NFYC: variants seen among roughly 807,000 people sequenced by gnomAD.
NFYC encodes the protein CAAT box DNA-binding protein subunit C.
A neutral mutation model predicts 53.1 loss-of-function variants in NFYC; 25 were observed. The ratio of observed to expected loss-of-function variants is 0.47; its 90% CI spans 0.34 to 0.66. The LOEUF is 0.66. Among genes scored for constraint, NFYC ranks in the 30% least tolerant of loss-of-function variants. NFYC has a pLI of 0.01. For missense variants in NFYC, 260 were observed against 422.7 expected, an observed-to-expected ratio of 0.62 and a Z score of 3.38; for synonymous variants, 145 against 152.6, an observed-to-expected ratio of 0.95 and a Z score of 0.37.
At chr1:40,730,202 T>C (rs867768895) in intron 1 of NFYC, among the ~76,000 whole-genome samples, 14 of 139,328 alleles carry the variant, frequency 1.0e-4, no homozygotes, top group Middle Eastern at 3.8e-3. Context: ...TTTCTTTTTT[T>C]TTTTTTTTTT....
At chr1:40,753,080 T>C (rs1293010742) in intron 4 of NFYC, 71 bp from the exon 5 acceptor site, 2 of 1,131,090 alleles carry the variant, frequency 1.8e-6, no homozygotes, top group African/African-American at 3.1e-5. Context: ...TTACCTTACT[T>C]GGAGGGTATA....
chr1:40,722,916 C>G (rs1644379086), intron 1 of NFYC, among the ~76,000 whole-genome samples: 1 of 152,172 alleles, frequency 6.6e-6, no homozygotes, highest in African/African-American at 2.4e-5. Context: ...AAAAGAGTGA[C>G]AGCTTAAACA....
chr1:40,698,030 G>C (rs1366356571), intron 1 of NFYC, among the ~76,000 whole-genome samples: 2 of 152,186 alleles, frequency 1.3e-5, no homozygotes, highest in African/African-American at 4.8e-5. Flanking sequence ...CTTTGCATTT[G>C]AATGTTTCCA....
chr1:40,739,119 G>C (rs1299156868), intron 2 of NFYC, among the ~76,000 whole-genome samples, 171 bp downstream of exon 2: 1 of 152,212 alleles, frequency 6.6e-6, no homozygotes, highest in African/African-American at 2.4e-5. Flanking sequence ...CCTTCCGTGA[G>C]GTAACTGCAA....
chr1:40,714,751 C>T (rs1360845246), intron 1 of NFYC, among the ~76,000 whole-genome samples: 2 of 152,040 alleles, frequency 1.3e-5, no homozygotes, highest in African/African-American at 2.4e-5. Context: ...GTAATTGGGA[C>T]TACAGATGCA....
intron 2 of NFYC, 37 bp downstream of exon 2, chr1:40,738,985 A>G (rs1364189290): frequency 8.6e-6 from 12 of 1,398,280 alleles, no homozygotes; most frequent in Non-Finnish European, 1.2e-5. Context: ...AGAAACTTTT[A>G]AAGAGTATAA....
Position 40,770,308 on chromosome 1 carries a change from C to A in NFYC, c.889-401C>A. The A allele has an allele frequency of 8.0e-7, 1 of 1,251,246 alleles. No homozygotes were observed. Among genetic ancestry groups the A allele is most frequent in the Non-Finnish European group, 1.1e-6 (1 of 901,578 alleles). 77.5% of individuals were successfully genotyped at this position (1,251,246 alleles called of 1,614,324 possible). A position where few individuals can be genotyped will look rare whatever the true frequency, so the allele number is the denominator to read the frequency against. ...AGGAGAGGAGGGGGTAATCCTACTG[C>A]CCCTGCCAGTGTAGATTACCAAGAG... On this transcript the variant is annotated intron_variant, in intron 9 of 9. Coordinates refer to ENST00000447388, the MANE Select transcript of NFYC (RefSeq NM_014223.5). The surrounding 1 kb of genome is among the most constrained non-coding windows in gnomAD (Gnocchi z 5.3).
chr1:40,706,429 C>CA (rs958594910), intron 1 of NFYC, among the ~76,000 whole-genome samples: 16 of 152,124 alleles, frequency 1.1e-4, no homozygotes, highest in African/African-American at 3.9e-4. Context: ...TAGGGCAGAC[C>CA]ACCTTGCTCC....
At chr1:40,729,016 A>G (rs1000733925) in intron 1 of NFYC, among the ~76,000 whole-genome samples, 10 of 152,230 alleles carry the variant, frequency 6.6e-5, no homozygotes, top group South Asian at 2.1e-4. Flanking sequence ...TCTGAGCAGT[A>G]GGTCTCAACA....
In NFYC at chr1:40,770,700, C is replaced by A; in HGVS notation, c.889-9C>A. ...GATGACCTCACTCTCTCCTCTCCACCCCTCGCAGCAGCTCTACCAGATCCA... is the reference window on the plus strand; with the variant it reads ...GATGACCTCACTCTCTCCTCTCCACACCTCGCAGCAGCTCTACCAGATCCA... On this transcript the variant is annotated splice_polypyrimidine_tract_variant and intron_variant, in intron 9 of 9. Transcript: ENST00000447388. The surrounding 1 kb of genome is among the most constrained non-coding windows in gnomAD (Gnocchi z 5.3). 6.2e-7 allele frequency: 1 copy of A among 1,614,182 alleles called. No individual in the cohort carries two copies. The highest frequency in any genetic ancestry group is 8.5e-7 in the Non-Finnish European group (1 of 1,180,048).
At chr1:40,721,332 G>A (rs1644319601) in intron 1 of NFYC, among the ~76,000 whole-genome samples, 2 of 152,266 alleles carry the variant, frequency 1.3e-5, no homozygotes, top group South Asian at 4.1e-4. Flanking sequence ...TTTCCTTCAT[G>A]TTCACTTCAG....
At chr1:40,721,491 G>A (rs1644325211) in intron 1 of NFYC, 1 of 152,062 alleles carries the variant, frequency 6.6e-6, no homozygotes, top group African/African-American at 2.4e-5. Context: ...CCTTTCACAA[G>A]ACAAAACAGG....
chr1:40,717,374 G>T (rs980466470), intron 1 of NFYC, among the ~76,000 whole-genome samples: 2 of 151,990 alleles, frequency 1.3e-5, no homozygotes, highest in Non-Finnish European at 2.9e-5. Context: ...TACTTGCTTG[G>T]TTTTTTAGTA....
intron 1 of NFYC, among the ~76,000 whole-genome samples, chr1:40,694,761 G>A (rs1643034375): frequency 6.6e-6 from 1 of 151,776 alleles, no homozygotes; most frequent in Non-Finnish European, 1.5e-5. Context: ...ATCTGGAATT[G>A]ACCACTCTAG....
chr1:40,700,269 A>G (rs1643368457), intron 1 of NFYC, among the ~76,000 whole-genome samples: 1 of 152,202 alleles, frequency 6.6e-6, no homozygotes, highest in Admixed American at 6.5e-5. Flanking sequence ...TATCAAGCAC[A>G]GTGTTGTTAT....
At chr1:40,700,113 C>A (rs908858879) in intron 1 of NFYC, among the ~76,000 whole-genome samples, 1 of 152,048 alleles carries the variant, frequency 6.6e-6, no homozygotes, top group African/African-American at 2.4e-5. Context: ...GCTTGGTAAT[C>A]GTGGGAAAGG....
intron 1 of NFYC, among the ~76,000 whole-genome samples, chr1:40,734,638 G>A (rs1041217732): frequency 5.3e-5 from 8 of 152,180 alleles, no homozygotes; most frequent in African/African-American, 1.9e-4. Flanking sequence ...TGGGATTACA[G>A]ACGTGAACCA....
intron 1 of NFYC, chr1:40,709,595 T>C (rs896054450): frequency 7.9e-5 from 12 of 152,332 alleles, no homozygotes; most frequent in Non-Finnish European, 1.6e-4. Context: ...AATAACTACA[T>C]GTAAAATTAA....
At chr1:40,761,001 A>G (rs1646515412) in intron 6 of NFYC, among the ~76,000 whole-genome samples, 1 of 152,212 alleles carries the variant, frequency 6.6e-6, no homozygotes, top group Non-Finnish European at 1.5e-5. Context: ...TGCCAAGGGC[A>G]GGCTCTGATT....
Sources: allele counts gnomAD v4.1 joint callset (sites outside exome capture counted in the v4.1 genomes callset), GRCh38; gene constraint gnomAD v4.1.1; non-coding constraint Gnocchi (gnomAD v3.1); transcripts MANE v1.5; gene names NCBI Gene and HGNC (gene_info 2026-07-23, HGNC 2026-07-21).